The following SERPINA12 variants were observed in gnomAD, a reference collection of about 807,000 sequenced individuals.
SERPINA12 encodes the protein serpin A12.
In SERPINA12, 21 loss-of-function variants were observed where a neutral mutation model predicts 25.9. The observed-to-expected ratio is 0.81, with a 90% CI of 0.58 to 1.17. The LOEUF (loss-of-function observed/expected upper bound fraction) is 1.17. Ranked by LOEUF, SERPINA12 falls within the 50% of genes most tolerant of loss-of-function variation. SERPINA12 has a pLI of 0.00. For synonymous variants in SERPINA12, 220 were observed against 196.0 expected, an observed-to-expected ratio of 1.12 and a Z score of -1.02; for missense variants, 562 against 508.3, an observed-to-expected ratio of 1.11 and a Z score of -1.02.
Position 94,496,576 on chromosome 14 carries a change from A to G in SERPINA12, c.702T>C (p.Ser234=), listed in dbSNP as rs759646470. The G allele has an allele frequency of 5.6e-6, 9 of 1,614,026 alleles. No homozygotes were observed. The highest frequency in any genetic ancestry group is 7.6e-6 in the Non-Finnish European group (9 of 1,179,898). The change falls in exon 3 of 5, where the codon AGT becomes AGC. Residue 234 remains serine (S), a synonymous_variant. Coordinates refer to ENST00000677451, the MANE Select transcript of SERPINA12 (RefSeq NM_001382267.1). The part of the protein sequence containing the change: ...KEEDFFLEKN[S]SVKVPMMFRS... ...GGAACATCATGGGCACCTTGACTGA[A>G]CTGTTTTTCTCCAGAAAGAAATCTT...
intron 1 of SERPINA12, among the ~76,000 whole-genome samples, chr14:94,499,127 C>T (rs7161648): frequency 0.22 from 32,951 of 152,048 alleles, 4,344 homozygotes; most frequent in African/African-American, 0.38. Flanking sequence ...TCCCCTTCAG[C>T]CAAAAGAATT....
At chr14:94,514,276 G>A (rs1029777937), upstream of SERPINA12, among the ~76,000 whole-genome samples, 6 of 152,204 alleles carry the variant, frequency 3.9e-5, no homozygotes, top group Non-Finnish European at 8.8e-5. Flanking sequence ...GCAACCCAAA[G>A]GGCCACCAGT....
At chr14:94,512,883 G>C (rs1433241049), upstream of SERPINA12, among the ~76,000 whole-genome samples, 1 of 152,204 alleles carries the variant, frequency 6.6e-6, no homozygotes, top group African/African-American at 2.4e-5. Context: ...GGAAAACAGA[G>C]TGGTTGTCTA....
chr14:94,490,743 A>G (rs1900143493), intron 3 of SERPINA12, among the ~76,000 whole-genome samples: 2 of 151,928 alleles, frequency 1.3e-5, no homozygotes, highest in African/African-American at 4.8e-5. Flanking sequence ...TCAACTTTTT[A>G]TGGAAGCAAC....
chr14:94,493,240 T>A (rs1900251578), intron 3 of SERPINA12, among the ~76,000 whole-genome samples: 1 of 152,158 alleles, frequency 6.6e-6, no homozygotes, highest in African/African-American at 2.4e-5. Context: ...AAGGTAGGAA[T>A]GTTTGTTCCT....
chr14:94,515,779 TG>T (rs2139869558), intron 2 of SERPINA12: 1 of 152,394 alleles, frequency 6.6e-6, no homozygotes, highest in African/African-American at 2.4e-5. Flanking sequence ...GATTTTGAGT[TG>T]AGCAGACCGG....
chr14:94,511,294 G>A (rs1192405756), upstream of SERPINA12: 5 of 485,454 alleles, frequency 1.0e-5, no homozygotes, highest in Non-Finnish European at 1.3e-5. Context: ...TTACAAGTCT[G>A]TGAGGGACCA....
intron 2 of SERPINA12, among the ~76,000 whole-genome samples, chr14:94,514,658 T>G (rs992079263): frequency 6.6e-6 from 1 of 152,144 alleles, no homozygotes; most frequent in African/African-American, 2.4e-5. Flanking sequence ...TCTGAGCCAG[T>G]GGGTCTATTC....
At chr14:94,487,531 C>A (rs1199134017) in intron 4 of SERPINA12, 37 bp from the exon 5 acceptor site, 3 of 1,553,420 alleles carry the variant, frequency 1.9e-6, no homozygotes, top group Non-Finnish European at 2.6e-6. Flanking sequence ...GTCTGCCAAG[C>A]TCCTTGGCGA....
rs375255133 is a variant in SERPINA12 at position 94,496,376 on chromosome 14, C to A, written c.902G>T (p.Arg301Leu). 6.2e-7 allele frequency: 1 copy of A among 1,614,016 alleles called. No homozygotes were observed. ...TFSRWKTLLS[R>L]RVVDVSVPRL... is the part of the protein sequence containing the mutation. Reference sequence around the variant, plus strand: ...GAGGGCTAGGCACCCACTTTACCTGCGTGACAGTAATGTTTTCCATCTGGA... The same window carrying A: ...GAGGGCTAGGCACCCACTTTACCTGAGTGACAGTAATGTTTTCCATCTGGA... Residue 301 changes from arginine to leucine, a missense_variant, in exon 3 of 5, where the codon CGC (arginine) becomes CTC (leucine). Coordinates refer to ENST00000677451, the MANE Select transcript of SERPINA12 (RefSeq NM_001382267.1).
At chr14:94,488,421 T>C (rs887547048) in intron 4 of SERPINA12, among the ~76,000 whole-genome samples, 3 of 151,772 alleles carry the variant, frequency 2.0e-5, no homozygotes, top group Non-Finnish European at 2.9e-5. Flanking sequence ...GCCACACTGC[T>C]GCACCCATCC....
At chr14:94,510,071 C>T (rs1448136285), upstream of SERPINA12, 5 of 985,338 alleles carry the variant, frequency 5.1e-6, no homozygotes, top group Non-Finnish European at 1.2e-6. Context: ...GGGCCTGGGC[C>T]TGTGGTCTGG....
chr14:94,490,799 A>G (rs1168524734), intron 3 of SERPINA12, among the ~76,000 whole-genome samples: 1 of 152,164 alleles, frequency 6.6e-6, no homozygotes, highest in African/African-American at 2.4e-5. Flanking sequence ...TCCCAGAGCC[A>G]GCTCTCAGTG....
Position 94,496,351 on chromosome 14 carries a change from G to A in SERPINA12, c.905+22C>T, listed in dbSNP as rs756415606. 1.8e-5 allele frequency: 29 copies of A among 1,613,528 alleles called. 1 individual carries two copies. The highest frequency in any genetic ancestry group is 1.6e-4 in the Middle Eastern group (1 of 6,076). ...GAAGACAAGAGAAGGAAAAAGCTGCGAGGGCTAGGCACCCACTTTACCTGC... is the reference window on the plus strand; with the variant it reads ...GAAGACAAGAGAAGGAAAAAGCTGCAAGGGCTAGGCACCCACTTTACCTGC... On this transcript the variant is annotated intron_variant, in intron 3 of 4. Transcript: ENST00000677451.
rs1209456128 is a variant in SERPINA12, at chr14:94,498,126, T to G, written c.272A>C (p.Gln91Pro). The change falls in exon 2 of 5, where the codon CAG becomes CCG. Residue 91 changes from glutamine (Q) to proline (P), a missense_variant. Gln to Pro is a moderately conservative substitution (Grantham distance 76). Transcript: ENST00000677451. ...TAFSMLCLGA[Q>P]DSTLDEIKQG... Reference sequence around the variant, plus strand: ...CTTGATCTCGTCCAGGGTGCTGTCCTGGGCACCCAGGCACAGCATGGAGAA... The same window carrying G: ...CTTGATCTCGTCCAGGGTGCTGTCCGGGGCACCCAGGCACAGCATGGAGAA... The G allele has an allele frequency of 6.2e-7, 1 of 1,614,124 alleles. No homozygotes were observed. The highest frequency in any genetic ancestry group is 2.2e-5 in the East Asian group (1 of 44,872).
intron 1 of SERPINA12, chr14:94,503,958 A>T (rs199548978): frequency 6.6e-6 from 1 of 152,254 alleles, no homozygotes; most frequent in East Asian, 1.9e-4. Flanking sequence ...TCTGCCAAAG[A>T]TGTTCAACAA....
intron 2 of SERPINA12, 91 bp downstream of exon 2, chr14:94,497,673 G>T: frequency 8.3e-7 from 1 of 1,209,396 alleles, no homozygotes; most frequent in Non-Finnish European, 1.2e-6. Flanking sequence ...TGAATTCAAG[G>T]TCACAGAGTA....
chr14:94,510,027 A>G, upstream of SERPINA12: 2 of 984,820 alleles, frequency 2.0e-6, no homozygotes, highest in Non-Finnish European at 2.4e-6. Flanking sequence ...CATCCATCCA[A>G]CCCCACCCCA....
At chr14:94,496,768 A>G (rs1241238216) in intron 2 of SERPINA12, 125 bp from the exon 3 acceptor site, 5 of 791,000 alleles carry the variant, frequency 6.3e-6, no homozygotes, top group African/African-American at 1.7e-5. Context: ...GATATCAGGG[A>G]AGTCCTTGCC....
Sources: allele counts gnomAD v4.1 joint callset (sites outside exome capture counted in the v4.1 genomes callset), GRCh38; gene constraint gnomAD v4.1.1; transcripts MANE v1.5; gene names NCBI Gene and HGNC (gene_info 2026-07-23, HGNC 2026-07-21).